The following KRT8 variants were observed in gnomAD, a reference collection of about 807,000 sequenced individuals.
The protein encoded by KRT8 is keratin 8, also known as keratin, type II cytoskeletal 8.
Under a neutral mutation model 43.0 loss-of-function variants are expected in KRT8, and 24 were observed. The ratio of observed to expected loss-of-function variants is 0.56; its 90% CI spans 0.40 to 0.78. The LOEUF (loss-of-function observed/expected upper bound fraction) is 0.78, where lower values mean the gene tolerates loss of function less well. Among genes scored for constraint, KRT8 ranks in the 30% least tolerant of loss-of-function variants. The pLI is 0.00. For missense variants in KRT8, 492 were observed against 638.4 expected, an observed-to-expected ratio of 0.77 and a Z score of 2.47; for synonymous variants, 214 against 261.2, an observed-to-expected ratio of 0.82 and a Z score of 1.74.
chr12:52,928,810 G>T (rs775787538), intron 2 of KRT8, among the ~76,000 whole-genome samples: 17 of 152,212 alleles, frequency 1.1e-4, no homozygotes, highest in Non-Finnish European at 1.8e-4. Context: ...GGAGGCTGAA[G>T]CGAGAGAATC....
chr12:52,919,160 C>T (rs1941835516), intron 2 of KRT8, among the ~76,000 whole-genome samples: 1 of 152,206 alleles, frequency 6.6e-6, no homozygotes, highest in Non-Finnish European at 1.5e-5. Flanking sequence ...CTGACGCCCA[C>T]TTGCTTTCCC....
At chr12:52,949,769 A>T (rs1942444719) in exon 1 of KRT8, 1 of 719,644 alleles carries the variant, frequency 1.4e-6, no homozygotes, top group Non-Finnish European at 2.6e-6. Context: ...GCAGCTAGGC[A>T]TGGGAGGGCT....
intron 2 of KRT8, among the ~76,000 whole-genome samples, chr12:52,927,469 G>A (rs2120685072): frequency 6.6e-6 from 1 of 152,344 alleles, no homozygotes; most frequent in Admixed American, 6.5e-5. Flanking sequence ...GGAGGAGGAA[G>A]AGCTCTGTTT....
intron 2 of KRT8, among the ~76,000 whole-genome samples, chr12:52,930,025 C>T (rs1206798798): frequency 6.6e-6 from 1 of 152,128 alleles, no homozygotes. Flanking sequence ...AGCAAGAAGC[C>T]TGGAGTCAGC....
At chr12:52,897,719 G>A in intron 7 of KRT8, 101 bp from the exon 8 acceptor site, 1 of 1,519,888 alleles carries the variant, frequency 6.6e-7, no homozygotes, top group Admixed American at 1.7e-5. Context: ...CCCAGGGATG[G>A]GAGGTTAACC....
At chr12:52,941,772 G>A (rs1007411906) in intron 2 of KRT8, among the ~76,000 whole-genome samples, 39 of 152,090 alleles carry the variant, frequency 2.6e-4, no homozygotes, top group African/African-American at 8.5e-4. Context: ...ACAGGTGTGA[G>A]CCACCGTGCC....
In KRT8 at chr12:52,949,164, C is replaced by T. The variant is rs935714772; in HGVS notation, c.-47+292G>A. 3.1e-6 allele frequency: 5 copies of T among 1,610,788 alleles called. No individual in the cohort carries two copies. In the East Asian group the frequency reaches 1.1e-4, roughly 36 times the overall value. ...GCCTGAGTCCTGTCCTTTCTCTCTC[C>T]CCGGACAGCATGAGCTTCACCACTC... On this transcript the variant is annotated intron_variant, in intron 2 of 6. Transcript: ENST00000546826.
At position 52,918,180 on chromosome 12, in the gene KRT8, G is replaced by GGAAGAGGAAGAA. The variant is rs1555188331; in HGVS notation, c.-46-13154_-46-13153insTTCTTCCTCTTC. On this transcript the variant is annotated intron_variant, in intron 2 of 6. Coordinates refer to the KRT8 transcript ENST00000546826. ...GGGAAGAAGAAGAAGAAGAGGAAGA[G>GGAAGAGGAAGAA]GAAGAAGAAGAAGAAGAAGAAGAAC... is the stretch of plus-strand genomic sequence containing the variant. Among the ~76,000 whole-genome samples, 146 of 73,810 alleles carry GGAAGAGGAAGAA rather than the reference G, an allele frequency of 2.0e-3. 8 individuals are homozygous for GGAAGAGGAAGAA. Among genetic ancestry groups the GGAAGAGGAAGAA allele is most frequent in the African/African-American group, 8.0e-3 (133 of 16,592 alleles). 48.4% of individuals were successfully genotyped at this position (73,810 alleles called of 152,430 possible).
intron 2 of KRT8, among the ~76,000 whole-genome samples, chr12:52,923,386 G>C (rs184954838): frequency 8.5e-5 from 13 of 152,124 alleles, no homozygotes; most frequent in African/African-American, 3.1e-4. Flanking sequence ...ATATAATGAA[G>C]GGGCAGGACC....
exon 6 of KRT8, chr12:52,898,775 C>T (rs537594877): frequency 6.8e-6 from 11 of 1,614,240 alleles, no homozygotes; most frequent in East Asian, 4.5e-5. Flanking sequence ...ACGCAGCTGC[C>T]GCGCCATGTC....
chr12:52,932,805 T>TA lies in KRT8; in HGVS notation c.-47+16650dup, dbSNP rs142235030. On this transcript the variant is annotated intron_variant, in intron 2 of 6. Transcript: ENST00000546826. Reference sequence around the variant, plus strand: ...CAGCAGAATGAGGCTGTGTCTATAATAAAAAAAAAACAAAAACAAAAAAAT... The same window carrying TA: ...CAGCAGAATGAGGCTGTGTCTATAATAAAAAAAAAAACAAAAACAAAAAAAT... Among the ~76,000 whole-genome samples, 269 of 138,984 alleles carry TA rather than the reference T, an allele frequency of 1.9e-3. 1 individual carries two copies. Among genetic ancestry groups the TA allele is most frequent in the African/African-American group, 3.6e-3 (132 of 37,148 alleles). The allele number at this position is 138,984 out of a possible 152,430, so 91.2% of individuals were successfully genotyped here. A position where few individuals can be genotyped will look rare whatever the true frequency, so the allele number is the denominator to read the frequency against.
intron 2 of KRT8, among the ~76,000 whole-genome samples, chr12:52,918,814 C>T (rs920842911): frequency 1.5e-4 from 23 of 152,142 alleles, no homozygotes; most frequent in Admixed American, 1.4e-3. Context: ...CCCATTCCCT[C>T]ACCACCTTCA....
exon 3 of KRT8, chr12:52,901,205 A>G: frequency 6.2e-7 from 1 of 1,611,416 alleles, no homozygotes; most frequent in East Asian, 2.2e-5. Flanking sequence ...ACGCTTATTG[A>G]TCTCATCCTC....
At chr12:52,942,286 C>T (rs1039758616) in intron 2 of KRT8, among the ~76,000 whole-genome samples, 2 of 152,128 alleles carry the variant, frequency 1.3e-5, no homozygotes, top group African/African-American at 4.8e-5. Context: ...CAGAGAAGCT[C>T]GCCGACTTGG....
At chr12:52,913,534 CAT>C (rs747970196) in intron 2 of KRT8, among the ~76,000 whole-genome samples, 39 of 152,304 alleles carry the variant, frequency 2.6e-4, no homozygotes, top group Non-Finnish European at 4.9e-4. Flanking sequence ...ACAAAGCACA[CAT>C]GTTTGATGGG....
intron 2 of KRT8, among the ~76,000 whole-genome samples, chr12:52,918,052 G>GAA (rs1592174160): frequency 9.6e-5 from 4 of 41,462 alleles, no homozygotes; most frequent in East Asian, 5.6e-4. Context: ...AAGAAGAAGA[G>GAA]GAAGAAGAAG....
At chr12:52,939,450 G>A (rs1942231566) in intron 2 of KRT8, among the ~76,000 whole-genome samples, 1 of 152,078 alleles carries the variant, frequency 6.6e-6, no homozygotes. Flanking sequence ...GGTGCAGTGA[G>A]CTGAGATCAC....
At chr12:52,923,710 G>T (rs1480236128) in intron 2 of KRT8, among the ~76,000 whole-genome samples, 2 of 152,022 alleles carry the variant, frequency 1.3e-5, no homozygotes, top group African/African-American at 2.4e-5. Flanking sequence ...GAGCCACCAC[G>T]CCCGGCTCTA....
intron 2 of KRT8, among the ~76,000 whole-genome samples, chr12:52,919,593 C>G (rs879659257): frequency 6.6e-6 from 1 of 151,224 alleles, no homozygotes; most frequent in Non-Finnish European, 1.5e-5. Flanking sequence ...AGGGTTCCTA[C>G]CAAGTGTCAA....
Sources: allele counts gnomAD v4.1 joint callset (sites outside exome capture counted in the v4.1 genomes callset), GRCh38; gene constraint gnomAD v4.1.1; transcripts MANE v1.5; gene names NCBI Gene and HGNC (gene_info 2026-07-23, HGNC 2026-07-21).